The following ADAMTS3 variants were observed in gnomAD, a reference collection of about 807,000 sequenced individuals.
ADAMTS3 encodes the protein A disintegrin and metalloproteinase with thrombospondin motifs 3.
ADAMTS3 carries 73 observed loss-of-function variants against 129.0 expected under a neutral mutation model. The observed-to-expected ratio is 0.57, with a 90% confidence interval of 0.47 to 0.69. The LOEUF (loss-of-function observed/expected upper bound fraction) is 0.69. Among genes scored for constraint, ADAMTS3 ranks in the 30% least tolerant of loss-of-function variants. The probability of loss-of-function intolerance (pLI) is 0.00; values close to 1 mark genes in which losing one functional copy is unlikely to be tolerated. For missense variants in ADAMTS3, 1,457 were observed against 1,514.5 expected, an observed-to-expected ratio of 0.96 and a Z score of 0.63; for synonymous variants, 477 against 510.8, an observed-to-expected ratio of 0.93 and a Z score of 0.89.
At chr4:72,421,669 G>A (rs1722448823) in intron 3 of ADAMTS3, among the ~76,000 whole-genome samples, 3 of 152,048 alleles carry the variant, frequency 2.0e-5, no homozygotes, top group Admixed American at 2.0e-4. Flanking sequence ...AGAGTAGTGG[G>A]GGCTGAAGAG....
rs71215421 is a variant in ADAMTS3, at chr4:72,317,469, C to CT, written c.1485+1102dup. Among the ~76,000 whole-genome samples the CT allele has an allele frequency of 2.5e-3, 347 of 137,624 alleles. 1 individual carries two copies. The highest frequency in any genetic ancestry group is 0.011 in the Middle Eastern group (3 of 262). The allele number at this position is 137,624 out of a possible 152,430, so 90.3% of individuals were successfully genotyped here. A position where few individuals can be genotyped will look rare whatever the true frequency, so the allele number is the denominator to read the frequency against. On this transcript the variant is annotated intron_variant, in intron 10 of 21. Coordinates refer to ENST00000286657, the MANE Select transcript of ADAMTS3 (RefSeq NM_014243.3). ...TTGCTCCAACATAGAAAAAGGCCTT[C>CT]TTTTTTTTTTTTTTTTAATGAATTA...
chr4:72,391,063 T>A (rs984634102), intron 4 of ADAMTS3, among the ~76,000 whole-genome samples: 2 of 152,112 alleles, frequency 1.3e-5, no homozygotes, highest in Admixed American at 1.3e-4. Context: ...GTTTGCACAT[T>A]GGTCCACATC....
intron 3 of ADAMTS3, among the ~76,000 whole-genome samples, chr4:72,448,887 T>C (rs1287506248): frequency 6.6e-6 from 1 of 151,810 alleles, no homozygotes; most frequent in Admixed American, 6.6e-5. Context: ...TAAAATTTTA[T>C]AATTTTTACC....
intron 17 of ADAMTS3, among the ~76,000 whole-genome samples, chr4:72,303,456 C>A (rs1719004211): frequency 6.6e-6 from 1 of 151,904 alleles, no homozygotes; most frequent in Non-Finnish European, 1.5e-5. Flanking sequence ...AGATATCCTT[C>A]AAAAATGAGG....
chr4:72,505,843 T>C (rs980797748), intron 3 of ADAMTS3, among the ~76,000 whole-genome samples: 4 of 152,162 alleles, frequency 2.6e-5, no homozygotes, highest in South Asian at 2.1e-4. Context: ...TCTCTCTGCA[T>C]AGGAAGTGTG....
intron 3 of ADAMTS3, among the ~76,000 whole-genome samples, chr4:72,495,046 C>T (rs1239697074): frequency 6.6e-5 from 10 of 152,128 alleles, no homozygotes. Context: ...GACATGTGGG[C>T]GCACACAACC....
At chr4:72,425,764 T>C (rs1722556599) in intron 3 of ADAMTS3, among the ~76,000 whole-genome samples, 1 of 151,810 alleles carries the variant, frequency 6.6e-6, no homozygotes, top group Non-Finnish European at 1.5e-5. Flanking sequence ...TCCAAGTCTT[T>C]GCTATTGTGA....
chr4:72,395,419 G>A (rs1279522244), intron 4 of ADAMTS3, among the ~76,000 whole-genome samples: 1 of 152,098 alleles, frequency 6.6e-6, no homozygotes, highest in Non-Finnish European at 1.5e-5. Flanking sequence ...TTAGGCAATT[G>A]GAAGTTCAGC....
intron 1 of ADAMTS3, among the ~76,000 whole-genome samples, chr4:72,567,684 T>C (rs757871912): frequency 3.3e-5 from 5 of 152,204 alleles, no homozygotes; most frequent in Non-Finnish European, 7.3e-5. Flanking sequence ...TTCTGAAATG[T>C]CGTACTGGGT....
chr4:72,424,023 G>C (rs182600419), intron 3 of ADAMTS3, among the ~76,000 whole-genome samples: 14 of 152,036 alleles, frequency 9.2e-5, no homozygotes, highest in African/African-American at 3.1e-4. Context: ...TGTCAACTTT[G>C]TATTACAATT....
At chr4:72,321,074 A>G (rs982397849) in intron 6 of ADAMTS3, among the ~76,000 whole-genome samples, 3 of 152,236 alleles carry the variant, frequency 2.0e-5, no homozygotes, top group Admixed American at 1.3e-4. Context: ...TACCTGTGTG[A>G]AAGTCAAATG....
intron 3 of ADAMTS3, among the ~76,000 whole-genome samples, chr4:72,416,850 T>A (rs1722317939): frequency 6.6e-6 from 1 of 152,190 alleles, no homozygotes; most frequent in African/African-American, 2.4e-5. Context: ...AGGCATTAAT[T>A]AATTAATGTC....
intron 4 of ADAMTS3, among the ~76,000 whole-genome samples, chr4:72,353,185 C>T (rs76083443): frequency 0.011 from 1,616 of 152,062 alleles, 24 homozygotes; most frequent in African/African-American, 0.037. Flanking sequence ...ATTGTAGCAA[C>T]AGGGCTTCCA....
At chr4:72,320,009 C>T (rs762841991) in intron 7 of ADAMTS3, 46 bp from the exon 8 acceptor site, 8 of 1,533,068 alleles carry the variant, frequency 5.2e-6, no homozygotes, top group South Asian at 4.6e-5. Context: ...ATGAGAAAAC[C>T]CATTAAGAAT....
At chr4:72,453,688 G>A (rs950548860) in intron 3 of ADAMTS3, among the ~76,000 whole-genome samples, 1 of 151,530 alleles carries the variant, frequency 6.6e-6, no homozygotes, top group Non-Finnish European at 1.5e-5. Flanking sequence ...GTATATAGAG[G>A]CCATCCTCAG....
intron 3 of ADAMTS3, among the ~76,000 whole-genome samples, chr4:72,510,530 A>G (rs1326699422): frequency 6.6e-6 from 1 of 152,040 alleles, no homozygotes; most frequent in Non-Finnish European, 1.5e-5. Context: ...CAATAGCCAC[A>G]CATAAAATTA....
At chr4:72,536,093 T>C (rs527826676) in intron 3 of ADAMTS3, among the ~76,000 whole-genome samples, 3 of 152,332 alleles carry the variant, frequency 2.0e-5, no homozygotes, top group South Asian at 2.1e-4. Context: ...TGGTCAATTG[T>C]GTAAAACCTC....
chr4:72,415,098 C>A, intron 3 of ADAMTS3, 127 bp from the exon 4 acceptor site: 1 of 620,298 alleles, frequency 1.6e-6, no homozygotes. Flanking sequence ...CCACATTTGG[C>A]CATAACTTAA....
chr4:72,462,586 G>T (rs368724271), intron 3 of ADAMTS3, among the ~76,000 whole-genome samples: 1 of 151,898 alleles, frequency 6.6e-6, no homozygotes, highest in African/African-American at 2.4e-5. Flanking sequence ...CTATCACCCT[G>T]TGACGTCTTA....
Sources: gnomAD v4.1 joint callset for allele counts (sites outside exome capture counted in the v4.1 genomes callset) on GRCh38, gnomAD v4.1.1 for gene constraint, MANE v1.5 for transcripts, NCBI Gene and HGNC (gene_info 2026-07-23, HGNC 2026-07-21) for gene names.